TSTD2: variants seen among roughly 807,000 people sequenced by gnomAD.
The protein encoded by TSTD2 is thiosulfate sulfurtransferase/rhodanese-like domain-containing protein 2.
In TSTD2, 37 loss-of-function variants were observed where a neutral mutation model predicts 47.9. The ratio of observed to expected loss-of-function variants is 0.77; its 90% CI spans 0.59 to 1.02. The LOEUF (loss-of-function observed/expected upper bound fraction) is 1.02, where lower values mean the gene tolerates loss of function less well. Ranked by LOEUF, TSTD2 falls within the 50% of genes least tolerant of loss-of-function variation. The pLI is 0.00. For missense variants in TSTD2, 586 were observed against 616.0 expected (o/e 0.95, Z 0.52); for synonymous variants, 201 against 215.9 (o/e 0.93, Z 0.61).
At chr9:97,613,816 C>T (rs1420327176) in intron 4 of TSTD2, among the ~76,000 whole-genome samples, 1 of 149,436 alleles carries the variant, frequency 6.7e-6, no homozygotes, top group Non-Finnish European at 1.5e-5. Context: ...TGATGCCTCA[C>T]TTGATCAATT....
intron 6 of TSTD2, among the ~76,000 whole-genome samples, chr9:97,606,607 G>A (rs896112278): frequency 3.9e-5 from 6 of 152,138 alleles, no homozygotes; most frequent in Non-Finnish European, 7.4e-5. Context: ...TGAATTTGCT[G>A]GTCCATTGTA....
At chr9:97,631,664 C>T (rs897253165) in intron 1 of TSTD2, among the ~76,000 whole-genome samples, 8 of 152,068 alleles carry the variant, frequency 5.3e-5, no homozygotes, top group Non-Finnish European at 7.4e-5. Context: ...GCCAACATGG[C>T]GAAACCCCAT....
At chr9:97,631,947 C>T (rs944916621) in intron 1 of TSTD2, among the ~76,000 whole-genome samples, 1 of 152,196 alleles carries the variant, frequency 6.6e-6, no homozygotes, top group African/African-American at 2.4e-5. Flanking sequence ...ATCTACCACT[C>T]TCCCGTTGCT....
chr9:97,628,941 G>C (rs1826766719), intron 1 of TSTD2, among the ~76,000 whole-genome samples: 1 of 152,182 alleles, frequency 6.6e-6, no homozygotes, highest in African/African-American at 2.4e-5. Context: ...TCTGAGCTGA[G>C]AGCAGAGACA....
In TSTD2 at chr9:97,610,420, T is replaced by C. The variant is rs139054763; in HGVS notation, c.761A>G (p.Glu254Gly). 147 of 1,587,106 alleles carry C rather than the reference T, an allele frequency of 9.3e-5. 1 individual carries two copies. The East Asian group carries it at 3.4e-3, about 37-fold the overall frequency. Residue 254 changes from glutamate (E) to glycine (G), a missense_variant, in exon 6 of 10, where the codon GAA becomes GGA. Physicochemically the swap from Glu to Gly is moderately conservative, Grantham distance 98 (BLOSUM62 -2). Coordinates refer to ENST00000341170, the MANE Select transcript of TSTD2 (RefSeq NM_139246.5). ...TTCTTCAAATACACCAACACGCAATTCTGGAAAACAGTGAGCTCCTCCTTT... is the reference window on the plus strand; with the variant it reads ...TTCTTCAAATACACCAACACGCAATCCTGGAAAACAGTGAGCTCCTCCTTT... Reference protein sequence around the residue: ...TSKGGAHCFPELRVGVFEEIV... With the variant: ...TSKGGAHCFPGLRVGVFEEIV...
At position 97,600,747 on chromosome 9, in the gene TSTD2, A is replaced by G; in HGVS notation, c.*1722T>C. The G allele has an allele frequency of 2.0e-6, 2 of 1,006,416 alleles. No individual in the cohort carries two copies. Among genetic ancestry groups the G allele is most frequent in the Non-Finnish European group, 2.4e-6 (2 of 842,546 alleles). The allele number at this position is 1,006,416 out of a possible 1,614,324, so 62.3% of individuals were successfully genotyped here. ...AAACTCCAGATATCAAGGAATTGGG[A>G]AATCCTGGCCAAACCACCCCAAGAT... On this transcript the variant is annotated 3_prime_UTR_variant, in exon 10 of 10. Coordinates refer to ENST00000341170, the MANE Select transcript of TSTD2 (RefSeq NM_139246.5).
At chr9:97,628,396 G>A (rs1018995407) in intron 1 of TSTD2, among the ~76,000 whole-genome samples, 1 of 152,108 alleles carries the variant, frequency 6.6e-6, no homozygotes, top group East Asian at 1.9e-4. Flanking sequence ...ATGTGAACAT[G>A]GGCAAGCTAC....
intron 3 of TSTD2, among the ~76,000 whole-genome samples, chr9:97,619,042 G>A (rs1432236232): frequency 2.0e-5 from 3 of 152,176 alleles, no homozygotes; most frequent in Non-Finnish European, 4.4e-5. Context: ...CATATGAAAT[G>A]GAAGGGCCAT....
intron 3 of TSTD2, among the ~76,000 whole-genome samples, chr9:97,621,738 G>C (rs899892731): frequency 6.6e-6 from 1 of 152,128 alleles, no homozygotes; most frequent in African/African-American, 2.4e-5. Context: ...CTTGAACCCT[G>C]TTTCCTGTTA....
At position 97,602,209 on chromosome 9, in the gene TSTD2, T is replaced by A. The variant is rs2131302866; in HGVS notation, c.*260A>T. ...TGCTGTGGCCACCAGGCTCAGGCTC[T>A]ATCCCTCAGCAGCTTTGGGATCCCA... is the stretch of plus-strand genomic sequence containing the variant. On this transcript the variant is annotated 3_prime_UTR_variant, in exon 10 of 10. Coordinates refer to ENST00000341170, the MANE Select transcript of TSTD2 (RefSeq NM_139246.5). The A allele has an allele frequency of 2.1e-6, 1 of 465,382 alleles. No homozygotes were observed. Among genetic ancestry groups the A allele is most frequent in the Non-Finnish European group, 3.8e-6 (1 of 264,710 alleles). The allele number at this position is 465,382 out of a possible 1,614,324, so 28.8% of individuals were successfully genotyped here. A position where few individuals can be genotyped will look rare whatever the true frequency, so the allele number is the denominator to read the frequency against.
chr9:97,601,122 TGCAC>T lies in TSTD2; in HGVS notation c.*1343_*1346del. The T allele has an allele frequency of 7.7e-7, 1 of 1,304,314 alleles. No homozygotes were observed. Among genetic ancestry groups the T allele is most frequent in the Non-Finnish European group, 1.0e-6 (1 of 988,964 alleles). The allele number at this position is 1,304,314 out of a possible 1,614,324, so 80.8% of individuals were successfully genotyped here. A position where few individuals can be genotyped will look rare whatever the true frequency, so the allele number is the denominator to read the frequency against. ...GCTATGGAAGAGTGTCCACTGAGGC[TGCAC>T]ATGGCCCAGGAGTGGCACCATGTTG... On this transcript the variant is annotated 3_prime_UTR_variant, in exon 10 of 10. Transcript: ENST00000341170.
chr9:97,629,670 A>C (rs897553580), intron 1 of TSTD2, among the ~76,000 whole-genome samples: 9 of 152,230 alleles, frequency 5.9e-5, no homozygotes, highest in Non-Finnish European at 1.2e-4. Context: ...CAGAAGTAAA[A>C]TAAGTAGAAG....
At chr9:97,621,274 C>T (rs1251942104) in intron 3 of TSTD2, among the ~76,000 whole-genome samples, 2 of 152,348 alleles carry the variant, frequency 1.3e-5, no homozygotes, top group African/African-American at 4.8e-5. Flanking sequence ...TCTTTAATCT[C>T]TTAATCCCGT....
chr9:97,619,089 C>CT (rs2131313405), intron 3 of TSTD2, among the ~76,000 whole-genome samples: 1 of 152,330 alleles, frequency 6.6e-6, no homozygotes, highest in South Asian at 2.1e-4. Flanking sequence ...ACTGCTTATA[C>CT]TATCACCGTC....
At chr9:97,603,174 C>T (rs1026256813) in intron 9 of TSTD2, 3 of 183,644 alleles carry the variant, frequency 1.6e-5, no homozygotes, top group South Asian at 1.7e-4. Context: ...TAAATACAGG[C>T]GATAACCCAC....
intron 3 of TSTD2, among the ~76,000 whole-genome samples, chr9:97,624,324 A>T (rs1826685613): frequency 6.6e-6 from 1 of 151,830 alleles, no homozygotes; most frequent in Admixed American, 6.6e-5. Flanking sequence ...CAGCCTATGA[A>T]GAGACCCCCA....
intron 3 of TSTD2, among the ~76,000 whole-genome samples, chr9:97,620,750 T>G (rs113120305): frequency 2.6e-5 from 4 of 152,126 alleles, no homozygotes; most frequent in South Asian, 2.1e-4. Flanking sequence ...CCCTAAAGAT[T>G]TGGGGAACTT....
intron 6 of TSTD2, among the ~76,000 whole-genome samples, chr9:97,607,397 G>A (rs1826382965): frequency 1.3e-5 from 2 of 152,122 alleles, no homozygotes; most frequent in South Asian, 4.1e-4. Flanking sequence ...AGCACCAAAG[G>A]AGCCTCATTC....
In TSTD2 at chr9:97,601,057, G is replaced by C; in HGVS notation, c.*1412C>G. The stretch of plus-strand genomic sequence containing the variant: ...CTGCGCACTGAACTGTAAGGCAGTG[G>C]GCAGTACAGGGTAACTGGAGGCGGG... On this transcript the variant is annotated 3_prime_UTR_variant, in exon 10 of 10. Transcript: ENST00000341170. 7.7e-7 allele frequency: 1 copy of C among 1,304,194 alleles called. No homozygotes were observed. Among genetic ancestry groups the C allele is most frequent in the East Asian group, 5.5e-5 (1 of 18,026 alleles). The allele number at this position is 1,304,194 out of a possible 1,614,324, so 80.8% of individuals were successfully genotyped here. A position where few individuals can be genotyped will look rare whatever the true frequency, so the allele number is the denominator to read the frequency against.
Sources: gnomAD v4.1 joint callset for allele counts (sites outside exome capture counted in the v4.1 genomes callset) on GRCh38, gnomAD v4.1.1 for gene constraint, MANE v1.5 for transcripts, NCBI Gene and HGNC (gene_info 2026-07-23, HGNC 2026-07-21) for gene names.